The following ACTN1 variants were observed in gnomAD, a reference collection of about 807,000 sequenced individuals.
The protein encoded by ACTN1 is alpha-actinin-1.
A neutral mutation model predicts 119.6 loss-of-function variants in ACTN1; 30 were observed. That is an observed-to-expected ratio of 0.25 (90% CI 0.19 to 0.34). The LOEUF (loss-of-function observed/expected upper bound fraction) is 0.34, where lower values mean the gene tolerates loss of function less well. Among genes scored for constraint, ACTN1 ranks in the 10% least tolerant of loss-of-function variants. The probability of loss-of-function intolerance (pLI) is 1.00; values close to 1 mark genes in which losing one functional copy is unlikely to be tolerated. For synonymous variants in ACTN1, 429 were observed against 472.6 expected, an observed-to-expected ratio of 0.91 and a Z score of 1.20; for missense variants, 764 against 1,223.4, an observed-to-expected ratio of 0.62 and a Z score of 5.60.
chr14:68,875,039 G>C, intron 21 of ACTN1, 22 bp from the exon 22 acceptor site: 1 of 1,610,792 alleles, frequency 6.2e-7, no homozygotes, highest in Admixed American at 1.7e-5. Flanking sequence ...GAGTGGTCAG[G>C]AAGGCCGCAA....
At position 68,880,206 on chromosome 14, in the gene ACTN1, G is replaced by T; in HGVS notation, c.2134-98C>A. 6.8e-7 allele frequency: 1 copy of T among 1,475,318 alleles called. No individual in the cohort carries two copies. Among genetic ancestry groups the T allele is most frequent in the Non-Finnish European group, 9.1e-7 (1 of 1,094,300 alleles). The allele number at this position is 1,475,318 out of a possible 1,614,324, so 91.4% of individuals were successfully genotyped here. A position where few individuals can be genotyped will look rare whatever the true frequency, so the allele number is the denominator to read the frequency against. Reference sequence around the variant, plus strand: ...CTCCCCAACCATCAAAATGGCCAAAGCCATCAAACTTGGCCTTCTGTGTGG... The same window carrying T: ...CTCCCCAACCATCAAAATGGCCAAATCCATCAAACTTGGCCTTCTGTGTGG... On this transcript the variant is annotated intron_variant, in intron 17 of 21. Transcript: ENST00000394419. The surrounding 1 kb of genome is among the most constrained non-coding windows in gnomAD (Gnocchi z 4.6).
chr14:68,972,919 G>A (rs1169898209), intron 1 of ACTN1, among the ~76,000 whole-genome samples: 1 of 152,152 alleles, frequency 6.6e-6, no homozygotes, highest in Non-Finnish European at 1.5e-5. Flanking sequence ...GCTCAAAAAG[G>A]GCGAGCCACT....
rs2140145588 is a variant in ACTN1 at position 68,890,212 on chromosome 14, C to T, written c.1161G>A (p.Arg387=). Residue 387 remains arginine, a synonymous_variant, in exon 11 of 22, where the codon CGG becomes CGA. Transcript: ENST00000394419. ...GYEEWLLNEI[R]RLERLDHLAE... ...CCAGGTGGTCCAGTCGCTCCAGCCT[C>T]CGGATCTCATTCAGCAACCACTCCT... 1.9e-6 allele frequency: 3 copies of T among 1,614,220 alleles called. No homozygotes were observed. In the East Asian group the frequency reaches 6.7e-5, roughly 36 times the overall value.
At chr14:68,975,196 C>T (rs2037020621) in intron 1 of ACTN1, among the ~76,000 whole-genome samples, 1 of 152,160 alleles carries the variant, frequency 6.6e-6, no homozygotes, top group Admixed American at 6.5e-5. Flanking sequence ...GGGATGTGGG[C>T]CTTATTCACA....
chr14:68,954,613 A>G (rs1299932897), intron 1 of ACTN1, among the ~76,000 whole-genome samples: 1 of 152,192 alleles, frequency 6.6e-6, no homozygotes, highest in Non-Finnish European at 1.5e-5. Context: ...GGCATGAGCC[A>G]CCACACCCGG....
chr14:68,966,123 G>A (rs1594881379), intron 1 of ACTN1, among the ~76,000 whole-genome samples: 1 of 152,182 alleles, frequency 6.6e-6, no homozygotes, highest in East Asian at 1.9e-4. Flanking sequence ...AAACTGAGGT[G>A]GGAGACTCAA....
rs775542710 is a variant in ACTN1 at position 68,877,096 on chromosome 14, G to A, written c.2572C>T (p.Leu858=). The change falls in exon 21 of 22, where the codon CTG becomes TTG. Residue 858 remains leucine, a synonymous_variant. Transcript: ENST00000394419. ...ADQVMASFKI[L]AGDKNYITMD... ...AGGACACCCACCTTGTCCCCAGCCA[G>A]GATCTTGAAGGAAGCCATGACTTGG... 4.3e-6 allele frequency: 7 copies of A among 1,613,984 alleles called. No homozygotes were observed. Among genetic ancestry groups the A allele is most frequent in the Non-Finnish European group, 5.1e-6 (6 of 1,180,002 alleles).
chr14:68,876,150 C>T (rs564552553), intron 21 of ACTN1, among the ~76,000 whole-genome samples: 2 of 152,294 alleles, frequency 1.3e-5, no homozygotes, highest in South Asian at 4.1e-4. Flanking sequence ...GTGCACGCCA[C>T]CACGCCCGGT....
At chr14:68,934,700 C>T (rs2035401586) in intron 1 of ACTN1, among the ~76,000 whole-genome samples, 1 of 152,142 alleles carries the variant, frequency 6.6e-6, no homozygotes, top group Non-Finnish European at 1.5e-5. Context: ...TAGAAAGAGA[C>T]AGAAATTGTA....
Position 68,893,760 on chromosome 14 carries a change from C to CAG in ACTN1, c.763-15_763-14dup. On this transcript the variant is annotated splice_polypyrimidine_tract_variant and intron_variant, in intron 8 of 21. Coordinates refer to ENST00000394419, the MANE Select transcript of ACTN1 (RefSeq NM_001130004.2). ...CTGCTGTCTCCGCCTGGCAACAAGA[C>CAG]AGAGAGAGTCACGACCAGCCAGCCC... 2.5e-6 allele frequency: 4 copies of CAG among 1,612,978 alleles called. No individual in the cohort carries two copies. Among genetic ancestry groups the CAG allele is most frequent in the Non-Finnish European group, 3.4e-6 (4 of 1,179,774 alleles).
rs750475462 is a variant in ACTN1, at chr14:68,882,941, C to T, written c.1750G>A (p.Val584Ile). 7 of 1,613,956 alleles carry T rather than the reference C, an allele frequency of 4.3e-6. No individual in the cohort carries two copies. In the Admixed American group the frequency reaches 5.0e-5, roughly 12 times the overall value. The change falls in exon 15 of 22, where the codon GTC (valine) becomes ATC (isoleucine). Residue 584 changes from valine to isoleucine, a missense_variant. Around this residue, in one of 4 missense-constraint regions of ACTN1, gnomAD observed 544 missense variants for 912.0 expected, o/e 0.60. Transcript: ENST00000394419. This position sits in a 1 kb window ranked among gnomAD's most constrained non-coding sequence, Gnocchi z 4.5. Reference protein sequence around the residue: ...EVSKIVQTYHVNMAGTNPYTT... With the variant: ...EVSKIVQTYHINMAGTNPYTT... ...TAGGGGTTGGTGCCCGCCATATTGA[C>T]GTGGTAGGTCTGGACAATCTTGGAC...
At chr14:68,940,969 A>C (rs1451836506) in intron 1 of ACTN1, among the ~76,000 whole-genome samples, 3 of 151,940 alleles carry the variant, frequency 2.0e-5, no homozygotes, top group African/African-American at 4.8e-5. Context: ...CCCTCAAAGC[A>C]CCTCCTTGGG....
chr14:68,881,422 C>T (rs1365285500), intron 16 of ACTN1, among the ~76,000 whole-genome samples: 3 of 152,164 alleles, frequency 2.0e-5, no homozygotes, highest in Non-Finnish European at 2.9e-5. Context: ...CCTGCTGTTC[C>T]GCCTCCTGGG....
Position 68,874,991 on chromosome 14 carries a change from G to C in ACTN1, c.2613C>G (p.Arg871=). 1 of 1,613,676 alleles carries C rather than the reference G, an allele frequency of 6.2e-7. No homozygotes were observed. Among genetic ancestry groups the C allele is most frequent in the Non-Finnish European group, 8.5e-7 (1 of 1,180,006 alleles). The change falls in exon 22 of 22, where the codon CGC becomes CGG. Residue 871 remains arginine, a synonymous_variant. Coordinates refer to ENST00000394419, the MANE Select transcript of ACTN1 (RefSeq NM_001130004.2). ...CAGCCTGGTCGGGTGGCAGCTCGCG[G>C]CGCAGCTCGTCCATGGTAATGTAGT... ...DKNYITMDEL[R]RELPPDQAEY...
intron 3 of ACTN1, among the ~76,000 whole-genome samples, chr14:68,915,451 C>T (rs1428624114): frequency 6.6e-6 from 1 of 152,220 alleles, no homozygotes; most frequent in African/African-American, 2.4e-5. Context: ...GACAGGTGTA[C>T]ATGTGTATTT....
intron 3 of ACTN1, among the ~76,000 whole-genome samples, chr14:68,919,523 G>A (rs920109987): frequency 1.8e-4 from 27 of 152,208 alleles, no homozygotes; most frequent in Non-Finnish European, 4.4e-5. Flanking sequence ...AGATTATACT[G>A]CTATATGTAA....
chr14:68,979,253 C>G lies in ACTN1; in HGVS notation c.-197G>C. On this transcript the variant is annotated 5_prime_UTR_variant, in exon 1 of 22. Coordinates refer to ENST00000394419, the MANE Select transcript of ACTN1 (RefSeq NM_001130004.2). ...GCGGCGACAGCGGCGGCTGGGCTCG[C>G]GGACTGCCTGCCTCTGGGCGGGCGC... 2.6e-6 allele frequency: 1 copy of G among 389,744 alleles called. No homozygotes were observed. The highest frequency in any genetic ancestry group is 4.5e-6 in the Non-Finnish European group (1 of 220,848). The allele number at this position is 389,744 out of a possible 1,614,324, so 24.1% of individuals were successfully genotyped here.
chr14:68,918,968 C>A (rs1030471425), intron 3 of ACTN1, among the ~76,000 whole-genome samples: 2 of 152,204 alleles, frequency 1.3e-5, no homozygotes, highest in Non-Finnish European at 2.9e-5. Flanking sequence ...TGGTGATACC[C>A]ATCCTACGAG....
chr14:68,920,739 C>T (rs1450308453), intron 3 of ACTN1, among the ~76,000 whole-genome samples: 1 of 152,158 alleles, frequency 6.6e-6, no homozygotes, highest in African/African-American at 2.4e-5. Flanking sequence ...GCCACACACA[C>T]AGGACTCCAC....
Sources: gnomAD v4.1 joint callset for allele counts (sites outside exome capture counted in the v4.1 genomes callset) on GRCh38, gnomAD v4.1.1 for gene constraint, gnomAD v4.1.1 regional missense constraint, Gnocchi (gnomAD v3.1) non-coding constraint, MANE v1.5 for transcripts, NCBI Gene and HGNC (gene_info 2026-07-23, HGNC 2026-07-21) for gene names.